Variants in BIN3 observed in about 807,000 individuals in gnomAD.
The protein encoded by BIN3 is bridging integrator 3.
BIN3 carries 41 observed loss-of-function variants against 38.2 expected under a neutral mutation model. The ratio of observed to expected loss-of-function variants is 1.07; its 90% CI spans 0.84 to 1.39. The LOEUF is 1.39. Among genes scored for constraint, BIN3 ranks in the 40% most tolerant of loss-of-function variants. The probability of loss-of-function intolerance (pLI) is 0.00; values close to 1 mark genes in which losing one functional copy is unlikely to be tolerated. For synonymous variants in BIN3, 145 were observed against 122.6 expected (o/e 1.18, Z -1.21); for missense variants, 361 against 324.3 (o/e 1.11, Z -0.87).
intron 1 of BIN3, among the ~76,000 whole-genome samples, chr8:22,658,968 C>T (rs1803146533): frequency 1.3e-5 from 2 of 152,242 alleles, no homozygotes; most frequent in Admixed American, 1.3e-4. Context: ...CAAGCCCCTC[C>T]CCCGGGGCCT....
In BIN3 at chr8:22,624,032, C is replaced by G; in HGVS notation, c.498G>C (p.Arg166=). 6.2e-7 allele frequency: 1 copy of G among 1,613,232 alleles called. No homozygotes were observed. The highest frequency in any genetic ancestry group is 8.5e-7 in the Non-Finnish European group (1 of 1,179,818). Residue 166 remains arginine, a synonymous_variant, in exon 8 of 9, where the codon CGG becomes CGC. Transcript: ENST00000276416. The part of the protein sequence containing the change: ...AKLHQAREEL[R]PVREDFEAKN... ...TGGCTTCAAAGTCCTCCCGCACAGGCCGCAGCTCCTCTCGTGCCTAGGGAA... is the reference window on the plus strand; with the variant it reads ...TGGCTTCAAAGTCCTCCCGCACAGGGCGCAGCTCCTCTCGTGCCTAGGGAA...
At chr8:22,650,061 G>C (rs954583383) in intron 1 of BIN3, among the ~76,000 whole-genome samples, 73 of 152,168 alleles carry the variant, frequency 4.8e-4, no homozygotes, top group African/African-American at 1.7e-3. Flanking sequence ...GTATATAATG[G>C]AAATGTACCA....
intron 8 of BIN3, 91 bp downstream of exon 8, chr8:22,623,824 G>T: frequency 6.8e-7 from 1 of 1,466,240 alleles, no homozygotes; most frequent in Admixed American, 2.1e-5. Context: ...TCTTTACGGA[G>T]AATGGCTAAG....
In BIN3 at chr8:22,620,436, GGCTTGTTTTTTAAATAA is replaced by G. The variant is rs1801739388; in HGVS notation, c.*969_*985del. 3.1e-5 allele frequency: 1 copy of G among 32,116 alleles called. No homozygotes were observed. Among genetic ancestry groups the G allele is most frequent in the Non-Finnish European group, 7.6e-5 (1 of 13,170 alleles). 2.0% of individuals were successfully genotyped at this position (32,116 alleles called of 1,614,324 possible). A position where few individuals can be genotyped will look rare whatever the true frequency, so the allele number is the denominator to read the frequency against. On this transcript the variant is annotated 3_prime_UTR_variant, in exon 9 of 9. Transcript: ENST00000276416. ...GTTGGGGTTTTTTTTTTTTTTTTTT[GGCTTGTTTTTTAAATAA>G]ACCAAAGTCAAAAACAAACTGAGAG...
intron 1 of BIN3, among the ~76,000 whole-genome samples, chr8:22,657,740 A>G (rs1803101106): frequency 6.6e-6 from 1 of 152,250 alleles, no homozygotes; most frequent in Non-Finnish European, 1.5e-5. Flanking sequence ...GAAAGGCAAC[A>G]CAACTGCACT....
intron 1 of BIN3, among the ~76,000 whole-genome samples, chr8:22,647,125 A>G (rs1352999986): frequency 6.6e-6 from 1 of 152,222 alleles, no homozygotes; most frequent in East Asian, 1.9e-4. Flanking sequence ...CCTTCAGCTT[A>G]TCTAAAACTG....
rs372140015 is a variant in BIN3 at position 22,624,058 on chromosome 8, C to T, written c.481-9G>A. The T allele has an allele frequency of 2.5e-3, 3,926 of 1,555,888 alleles. 8 individuals are homozygous for T. Among genetic ancestry groups the T allele is most frequent in the Middle Eastern group, 5.7e-3 (33 of 5,742 alleles). ...CGCAGCTCCTCTCGTGCCTAGGGAA[C>T]AAGACCTGGGTGTCAAAACTCTCTC... On this transcript the variant is annotated splice_polypyrimidine_tract_variant and intron_variant, in intron 7 of 8. Transcript: ENST00000276416.
chr8:22,629,496 C>CGCTGCCACGCCCCTCCCTGTGT (rs1802112352), intron 6 of BIN3, among the ~76,000 whole-genome samples: 1 of 152,256 alleles, frequency 6.6e-6, no homozygotes, highest in African/African-American at 2.4e-5. Flanking sequence ...GGCCAGACCC[C>CGCTGCCACGCCCCTCCCTGTGT]GCTGCCACGC....
chr8:22,623,882 C>T, intron 8 of BIN3, 33 bp downstream of exon 8: 2 of 1,605,216 alleles, frequency 1.2e-6, no homozygotes, highest in South Asian at 2.2e-5. Context: ...CTGTGTATAC[C>T]AAGCCCAGGG....
At chr8:22,625,559 G>A (rs1801977099) in intron 6 of BIN3, 3 of 622,262 alleles carry the variant, frequency 4.8e-6, no homozygotes, top group Non-Finnish European at 8.7e-6. Context: ...CACAGAGCAG[G>A]ACTCCCAGAT....
Position 22,636,386 on chromosome 8 carries a change from C to T in BIN3, c.160+139G>A, listed in dbSNP as rs878996732. 3.6e-6 allele frequency: 3 copies of T among 822,546 alleles called. No individual in the cohort carries two copies. In the South Asian group the frequency reaches 4.9e-5, roughly 14 times the overall value. 51.0% of individuals were successfully genotyped at this position (822,546 alleles called of 1,614,324 possible). ...GGATGTGACTGGTGAGGAGTGACTGCCCTGAGGCTGCTTCTCAGGACACTG... is the reference window on the plus strand; with the variant it reads ...GGATGTGACTGGTGAGGAGTGACTGTCCTGAGGCTGCTTCTCAGGACACTG... On this transcript the variant is annotated intron_variant, in intron 4 of 8. Transcript: ENST00000276416.
At chr8:22,658,515 T>C (rs1389447822) in intron 1 of BIN3, among the ~76,000 whole-genome samples, 3 of 152,226 alleles carry the variant, frequency 2.0e-5, no homozygotes, top group Non-Finnish European at 4.4e-5. Flanking sequence ...GCATTTTCAA[T>C]TTGCTAGGTT....
At chr8:22,665,971 A>G (rs909052076) in intron 1 of BIN3, among the ~76,000 whole-genome samples, 1 of 152,136 alleles carries the variant, frequency 6.6e-6, no homozygotes, top group African/African-American at 2.4e-5. Context: ...AAGACAGAGA[A>G]CAGCTCAATG....
rs10429308 is a variant in BIN3, at chr8:22,642,234, G to A, written c.57+2521C>T. On this transcript the variant is annotated intron_variant, in intron 2 of 8. Coordinates refer to ENST00000276416, the MANE Select transcript of BIN3 (RefSeq NM_018688.6). ...GGCAGCCACAGCTGCTCCCCTCCCT[G>A]AAAGTGCCTGGGCAAGAACAACAGA... Among the ~76,000 whole-genome samples, 762 of 151,154 alleles carry A rather than the reference G, an allele frequency of 5.0e-3. 9 individuals are homozygous for A. The highest frequency in any genetic ancestry group is 0.018 in the African/African-American group (728 of 41,154).
At chr8:22,625,795 C>T in intron 6 of BIN3, 1 of 187,040 alleles carries the variant, frequency 5.3e-6, no homozygotes, top group Admixed American at 5.2e-5. Flanking sequence ...ACCATGTTGG[C>T]CAGGCTGGTC....
intron 1 of BIN3, among the ~76,000 whole-genome samples, chr8:22,646,252 G>C (rs1037871982): frequency 6.6e-6 from 1 of 152,216 alleles, no homozygotes; most frequent in Admixed American, 6.5e-5. Context: ...TCCCAGGTAG[G>C]AAGTGAGTCA....
At chr8:22,647,943 G>A (rs927687440) in intron 1 of BIN3, among the ~76,000 whole-genome samples, 4 of 151,320 alleles carry the variant, frequency 2.6e-5, no homozygotes, top group South Asian at 2.1e-4. Flanking sequence ...TGGCTAACAC[G>A]GTGAAACGCC....
intron 2 of BIN3, among the ~76,000 whole-genome samples, chr8:22,643,874 G>T (rs775104893): frequency 9.9e-5 from 15 of 152,194 alleles, no homozygotes; most frequent in Non-Finnish European, 2.1e-4. Context: ...TACAGTTGTG[G>T]TCTCCCATGT....
chr8:22,652,915 A>C (rs1335988185), intron 1 of BIN3, among the ~76,000 whole-genome samples: 1 of 152,224 alleles, frequency 6.6e-6, no homozygotes, highest in East Asian at 1.9e-4. Context: ...AGAGTAAAAA[A>C]GGTAATTCCC....
Sources: allele counts gnomAD v4.1 joint callset (sites outside exome capture counted in the v4.1 genomes callset), GRCh38; gene constraint gnomAD v4.1.1; transcripts MANE v1.5; gene names NCBI Gene and HGNC (gene_info 2026-07-23, HGNC 2026-07-21).